Variants in TAB2 observed in about 807,000 individuals in gnomAD.
TAB2 encodes the protein TGF-beta activated kinase 1 (MAP3K7) binding protein 2, also known as TGF-beta-activated kinase 1 and MAP3K7-binding protein 2.
A neutral mutation model predicts 65.0 loss-of-function variants in TAB2; 3 were observed. The ratio of observed to expected loss-of-function variants is 0.05; its 90% CI spans 0.02 to 0.12. The LOEUF (loss-of-function observed/expected upper bound fraction) is 0.12, where lower values mean the gene tolerates loss of function less well. Ranked by LOEUF, TAB2 falls within the 10% of genes least tolerant of loss-of-function variation. The pLI is 1.00. For missense variants in TAB2, 623 were observed against 840.3 expected, an observed-to-expected ratio of 0.74 and a Z score of 3.20; for synonymous variants, 298 against 285.1, an observed-to-expected ratio of 1.05 and a Z score of -0.46.
intron 1 of TAB2, among the ~76,000 whole-genome samples, chr6:149,330,371 G>T (rs1779746822): frequency 6.6e-6 from 1 of 152,150 alleles, no homozygotes; most frequent in African/African-American, 2.4e-5. Flanking sequence ...GAAACTGCCA[G>T]ACTTTTCCAG....
intron 1 of TAB2, among the ~76,000 whole-genome samples, chr6:149,285,916 C>T (rs974777032): frequency 6.6e-6 from 1 of 152,172 alleles, no homozygotes; most frequent in Non-Finnish European, 1.5e-5. Context: ...GGTGATGCAT[C>T]TACTGCCGCT....
intron 1 of TAB2, 148 bp from the exon 2 acceptor site, chr6:149,369,761 A>G: frequency 1.7e-6 from 1 of 600,696 alleles, no homozygotes; most frequent in Non-Finnish European, 2.9e-6. Flanking sequence ...TAGTATAACT[A>G]TATGGAAAGC....
intron 1 of TAB2, among the ~76,000 whole-genome samples, chr6:149,283,939 T>C (rs1476921929): frequency 1.3e-5 from 2 of 152,182 alleles, no homozygotes; most frequent in East Asian, 3.8e-4. Context: ...GTTATGACAA[T>C]TTTGTAAGTG....
At chr6:149,271,114 A>T (rs1583057689) in intron 1 of TAB2, among the ~76,000 whole-genome samples, 1 of 152,010 alleles carries the variant, frequency 6.6e-6, no homozygotes, top group East Asian at 1.9e-4. Context: ...AGGCTTAGGT[A>T]AGAGGATTGC....
At chr6:149,301,875 T>TA (rs1260851623) in intron 1 of TAB2, among the ~76,000 whole-genome samples, 5 of 152,174 alleles carry the variant, frequency 3.3e-5, no homozygotes, top group Non-Finnish European at 7.3e-5. Context: ...AAAATAGAAG[T>TA]AAACTTTGAA....
At chr6:149,242,974 G>A (rs543835185) in intron 1 of TAB2, among the ~76,000 whole-genome samples, 1 of 152,316 alleles carries the variant, frequency 6.6e-6, no homozygotes, top group Admixed American at 6.5e-5. Flanking sequence ...GAAATTCCCA[G>A]AAATTAGGAT....
At chr6:149,400,593 A>G (rs1329784625) in intron 6 of TAB2, 1 of 1,614,262 alleles carries the variant, frequency 6.2e-7, no homozygotes, top group Non-Finnish European at 8.5e-7. Flanking sequence ...GCAACCAATC[A>G]GTGGAACAGA....
chr6:149,386,210 C>A (rs995494494), intron 3 of TAB2, among the ~76,000 whole-genome samples: 2 of 152,180 alleles, frequency 1.3e-5, no homozygotes, highest in Non-Finnish European at 2.9e-5. Flanking sequence ...TAAATGAGAA[C>A]AGTACACTTT....
chr6:149,284,688 ACACAC>A (rs1402977514), intron 1 of TAB2, among the ~76,000 whole-genome samples: 3 of 142,178 alleles, frequency 2.1e-5, no homozygotes, highest in Non-Finnish European at 3.1e-5. Flanking sequence ...ACACACACAC[ACACAC>A]AAGAATATAA....
Position 149,381,569 on chromosome 6 carries a change from C to CTTTTTT in TAB2, c.1603+2068_1603+2073dup, listed in dbSNP as rs557951574. ...TGCTATCTTCAATTCCCCTCCTATT[C>CTTTTTT]TTTTTTTTTTTTTTTTTTTTTTGGG... On this transcript the variant is annotated intron_variant, in intron 3 of 6. Coordinates refer to ENST00000637181, the MANE Select transcript of TAB2 (RefSeq NM_001292034.3). 5.7e-4 allele frequency among the ~76,000 whole-genome samples: 54 copies of CTTTTTT among 95,420 alleles called. 1 individual carries two copies. The highest frequency in any genetic ancestry group is 7.8e-4 in the South Asian group (2 of 2,578). 62.6% of individuals were successfully genotyped at this position (95,420 alleles called of 152,430 possible). A position where few individuals can be genotyped will look rare whatever the true frequency, so the allele number is the denominator to read the frequency against.
intron 1 of TAB2, among the ~76,000 whole-genome samples, chr6:149,366,632 C>T (rs1169740517): frequency 6.6e-6 from 1 of 152,106 alleles, no homozygotes; most frequent in Non-Finnish European, 1.5e-5. Flanking sequence ...TTTCTTCCCT[C>T]CACCAATTTG....
intron 3 of TAB2, 129 bp from the exon 4 acceptor site, chr6:149,397,475 A>C: frequency 9.0e-7 from 1 of 1,114,358 alleles, no homozygotes. Flanking sequence ...TTAAATGCCT[A>C]AACTTACAAT....
intron 1 of TAB2, among the ~76,000 whole-genome samples, chr6:149,265,741 G>A (rs541350500): frequency 3.3e-5 from 5 of 152,272 alleles, no homozygotes; most frequent in African/African-American, 7.2e-5. Context: ...CAAGCCCCAC[G>A]CGCGAGCCTG....
At chr6:149,268,614 A>G (rs1778305771) in intron 1 of TAB2, among the ~76,000 whole-genome samples, 1 of 152,214 alleles carries the variant, frequency 6.6e-6, no homozygotes. Context: ...AACACCTTAA[A>G]ATAATAACAC....
intron 1 of TAB2, among the ~76,000 whole-genome samples, chr6:149,248,179 G>A (rs1194983618): frequency 3.3e-5 from 5 of 152,090 alleles, no homozygotes; most frequent in Non-Finnish European, 5.9e-5. Flanking sequence ...GTCACCTGAG[G>A]TCAGGAGTTC....
At chr6:149,289,152 C>T (rs1778729715) in intron 1 of TAB2, among the ~76,000 whole-genome samples, 1 of 152,064 alleles carries the variant, frequency 6.6e-6, no homozygotes, top group African/African-American at 2.4e-5. Context: ...AGCCACCATG[C>T]CAGGTCAACG....
At chr6:149,242,547 C>T (rs1172671555) in intron 1 of TAB2, among the ~76,000 whole-genome samples, 3 of 152,074 alleles carry the variant, frequency 2.0e-5, no homozygotes, top group Non-Finnish European at 4.4e-5. Flanking sequence ...CCCACAATAC[C>T]CCAAAAGAGG....
chr6:149,309,225 A>G (rs1241244115), intron 1 of TAB2, among the ~76,000 whole-genome samples: 1 of 152,176 alleles, frequency 6.6e-6, no homozygotes, highest in Admixed American at 6.5e-5. Flanking sequence ...AATCATAGCA[A>G]CAACTATTTA....
At chr6:149,367,559 C>A (rs1315307545) in intron 1 of TAB2, among the ~76,000 whole-genome samples, 1 of 152,048 alleles carries the variant, frequency 6.6e-6, no homozygotes, top group Non-Finnish European at 1.5e-5. Context: ...CTCTGATTTA[C>A]TTTTCACAAA....
Sources: allele counts gnomAD v4.1 joint callset (sites outside exome capture counted in the v4.1 genomes callset), GRCh38; gene constraint gnomAD v4.1.1; transcripts MANE v1.5; gene names NCBI Gene and HGNC (gene_info 2026-07-23, HGNC 2026-07-21).